The following PIK3C2G variants were observed in gnomAD, a reference collection of about 807,000 sequenced individuals.
The protein encoded by PIK3C2G is phosphatidylinositol-4-phosphate 3-kinase catalytic subunit type 2 gamma.
PIK3C2G carries 168 observed loss-of-function variants against 181.1 expected under a neutral mutation model. The observed-to-expected ratio is 0.93, with a 90% CI of 0.82 to 1.05. The LOEUF (loss-of-function observed/expected upper bound fraction) is 1.05, where lower values mean the gene tolerates loss of function less well. Among genes scored for constraint, PIK3C2G ranks in the 50% least tolerant of loss-of-function variants. The probability of loss-of-function intolerance (pLI) is 0.00; values close to 1 mark genes in which losing one functional copy is unlikely to be tolerated. For synonymous variants in PIK3C2G, 573 were observed against 592.2 expected, an observed-to-expected ratio of 0.97 and a Z score of 0.47; for missense variants, 1,869 against 1,732.8, an observed-to-expected ratio of 1.08 and a Z score of -1.40.
At chr12:18,258,644 T>C (rs1288452200), upstream of PIK3C2G, among the ~76,000 whole-genome samples, 1 of 151,652 alleles carries the variant, frequency 6.6e-6, no homozygotes, top group East Asian at 1.9e-4. Context: ...CGGGAGAGGA[T>C]TCTATTATAT....
intron 24 of PIK3C2G, among the ~76,000 whole-genome samples, chr12:18,532,371 T>C (rs928345581): frequency 6.6e-6 from 1 of 152,154 alleles, no homozygotes. Context: ...AAGACAGACA[T>C]GTTGAAATTT....
chr12:18,702,521 G>A, the PIK3C2G span, among the ~76,000 whole-genome samples: 1 of 152,046 alleles, frequency 6.6e-6, no homozygotes, highest in African/African-American at 2.4e-5. Context: ...AGCTTTGATT[G>A]TCCTTTCTCT....
chr12:18,366,155 C>A (rs1340667175), intron 12 of PIK3C2G, among the ~76,000 whole-genome samples: 1 of 152,162 alleles, frequency 6.6e-6, no homozygotes, highest in Non-Finnish European at 1.5e-5. Context: ...CCTGAACTAG[C>A]TCCCCATTTC....
At chr12:18,362,712 G>T in intron 11 of PIK3C2G, 52 bp from the exon 12 acceptor site, 1 of 1,348,286 alleles carries the variant, frequency 7.4e-7, no homozygotes, top group African/African-American at 1.5e-5. Context: ...CATATAGAAA[G>T]CTAGTTTCTT....
intron 5 of PIK3C2G, among the ~76,000 whole-genome samples, chr12:18,300,719 C>A (rs1024574082): frequency 1.4e-4 from 22 of 151,970 alleles, no homozygotes; most frequent in Admixed American, 1.3e-3. Flanking sequence ...TTTAGCACTG[C>A]CACTTGGTGG....
chr12:18,423,146 A>AGTGT lies in PIK3C2G; in HGVS notation c.2410-780_2410-777dup, dbSNP rs200060648. On this transcript the variant is annotated intron_variant, in intron 17 of 32. Transcript: ENST00000538779. ...CTGAAGCTTTGAGAGAGAGAGAGAG[A>AGTGT]GTGTGTGTGTGTGTGTGTGTGTAAG... 1.5e-3 allele frequency among the ~76,000 whole-genome samples: 222 copies of AGTGT among 149,482 alleles called. 2 individuals are homozygous for AGTGT. The highest frequency in any genetic ancestry group is 4.9e-3 in the African/African-American group (198 of 40,782).
chr12:18,461,342 G>A (rs538931572), intron 18 of PIK3C2G, among the ~76,000 whole-genome samples: 1 of 152,130 alleles, frequency 6.6e-6, no homozygotes, highest in South Asian at 2.1e-4. Flanking sequence ...ACAAAAGTTG[G>A]ACAAAAATAT....
intron 24 of PIK3C2G, among the ~76,000 whole-genome samples, chr12:18,507,156 A>G (rs919427226): frequency 1.3e-5 from 2 of 151,918 alleles, no homozygotes; most frequent in Non-Finnish European, 2.9e-5. Flanking sequence ...CAGCCTCCGG[A>G]GTAGCTGGGA....
the PIK3C2G span, among the ~76,000 whole-genome samples, chr12:18,685,830 T>TCACACACACACACGCG: frequency 8.1e-6 from 1 of 123,168 alleles, no homozygotes; most frequent in African/African-American, 3.4e-5. Context: ...TCTCTCTCTG[T>TCACACACACACACGCG]CACACACACA....
rs553939970 is a variant in PIK3C2G at position 18,545,330 on chromosome 12, ATT to A, written c.3481-991_3481-990del. Among the ~76,000 whole-genome samples, 563 of 152,004 alleles carry A rather than the reference ATT, an allele frequency of 3.7e-3. 2 individuals carry two copies. The highest frequency in any genetic ancestry group is 6.4e-3 in the Non-Finnish European group (436 of 67,894). ...TAGTTTTTATACCATTCTTTTTCTC[ATT>A]TGAACTTCAGCAAGTTAATCACAAT... On this transcript the variant is annotated intron_variant, in intron 25 of 32. Transcript: ENST00000538779.
chr12:18,619,749 T>A (rs202201559), intron 31 of PIK3C2G, among the ~76,000 whole-genome samples: 1 of 150,720 alleles, frequency 6.6e-6, no homozygotes, highest in Non-Finnish European at 1.5e-5. Context: ...TAATTTTTTT[T>A]TTTTTTTTTT....
the PIK3C2G span, chr12:18,695,195 A>G: frequency 8.7e-6 from 9 of 1,029,666 alleles, no homozygotes. Context: ...TCTATGAGCA[A>G]GTATCATTAG....
intron 29 of PIK3C2G, among the ~76,000 whole-genome samples, chr12:18,590,966 C>A (rs963920985): frequency 6.6e-6 from 1 of 151,854 alleles, no homozygotes; most frequent in East Asian, 1.9e-4. Flanking sequence ...GATTTCTTTC[C>A]TACTATTGAA....
the PIK3C2G span, among the ~76,000 whole-genome samples, chr12:18,676,920 C>A: frequency 1.3e-5 from 2 of 152,192 alleles, no homozygotes; most frequent in East Asian, 3.9e-4. Context: ...ACTTCAGATT[C>A]CCAAAGACTG....
chr12:18,688,031 T>G, the PIK3C2G span: 4 of 1,592,310 alleles, frequency 2.5e-6, no homozygotes, highest in South Asian at 4.4e-5. Context: ...ACATATAATT[T>G]GTAAGCTTTC....
At chr12:18,650,696 GTGTGTGTGTATATATCTATATATATATA>G (rs1950432414), downstream of PIK3C2G, among the ~76,000 whole-genome samples, 49 of 43,698 alleles carry the variant, frequency 1.1e-3, 2 homozygotes, top group South Asian at 3.9e-3. Context: ...GTGTGTGTGT[GTGTGTGTGTATATATCTATATATATATA>G]TATATATATA....
chr12:18,408,966 C>A (rs1340696501), intron 16 of PIK3C2G, among the ~76,000 whole-genome samples: 2 of 152,108 alleles, frequency 1.3e-5, no homozygotes, highest in Non-Finnish European at 2.9e-5. Context: ...TAAATTAGTT[C>A]AACCTTTGTG....
intron 29 of PIK3C2G, among the ~76,000 whole-genome samples, chr12:18,580,949 C>T (rs891427920): frequency 6.6e-6 from 1 of 152,146 alleles, no homozygotes; most frequent in Non-Finnish European, 1.5e-5. Flanking sequence ...TGGGAATGCT[C>T]ACTGAGCTGT....
intron 2 of PIK3C2G, among the ~76,000 whole-genome samples, chr12:18,286,384 A>G (rs1949444255): frequency 6.6e-6 from 1 of 152,116 alleles, no homozygotes. Flanking sequence ...GAACTGTGGA[A>G]CAGTTACACA....
Sources: allele counts gnomAD v4.1 joint callset (sites outside exome capture counted in the v4.1 genomes callset), GRCh38; gene constraint gnomAD v4.1.1; transcripts MANE v1.5; gene names NCBI Gene and HGNC (gene_info 2026-07-23, HGNC 2026-07-21).